Variants in CEP95 observed in about 807,000 individuals in gnomAD.
The protein encoded by CEP95 is centrosomal protein of 95 kDa.
A neutral mutation model predicts 111.2 loss-of-function variants in CEP95; 98 were observed. That is an observed-to-expected ratio of 0.88 (90% confidence interval 0.75 to 1.04). CEP95 has a LOEUF of 1.04. CEP95 is among the 50% of genes least tolerant of loss of function. The pLI, the probability that CEP95 is intolerant of heterozygous loss-of-function variation, is 0.00. For synonymous variants in CEP95, 323 were observed against 327.1 expected (o/e 0.99, Z 0.14); for missense variants, 1,027 against 977.2 (o/e 1.05, Z -0.68).
At position 64,533,129 on chromosome 17, in the gene CEP95, C is replaced by G; in HGVS notation, c.1855C>G (p.Leu619Val). Residue 619 changes from leucine (L) to valine (V), a missense_variant, in exon 16 of 20, where the codon CTA becomes GTA. By Grantham distance (32) the Leu-to-Val change is conservative (BLOSUM62 1). Transcript: ENST00000556440. The part of the protein sequence containing the change: ...KKLQDEIEEA[L>V]RRHDLLTTLV... The stretch of plus-strand genomic sequence containing the variant: ...GTCCCCCTTCAAGATAGAAGAAGCC[C>G]TAAGAAGGCATGACCTCCTTACTAC... The G allele has an allele frequency of 6.2e-7, 1 of 1,604,490 alleles. No homozygotes were observed. The highest frequency in any genetic ancestry group is 2.2e-5 in the East Asian group (1 of 44,846).
rs921100851 is a variant in CEP95 at position 64,516,950 on chromosome 17, T to A, written c.473+122T>A. 174 of 574,778 alleles carry A rather than the reference T, an allele frequency of 3.0e-4. 1 individual carries two copies. The highest frequency in any genetic ancestry group is 3.9e-5 in the Non-Finnish European group (13 of 329,834). 35.6% of individuals were successfully genotyped at this position (574,778 alleles called of 1,614,324 possible). A position where few individuals can be genotyped will look rare whatever the true frequency, so the allele number is the denominator to read the frequency against. On this transcript the variant is annotated intron_variant, in intron 5 of 19. Coordinates refer to ENST00000556440, the MANE Select transcript of CEP95 (RefSeq NM_138363.3). ...AGCTAATGTGAAACTTCTACTAACTTCTCATATTTTAAACTTTCCTGAGGG... is the reference window on the plus strand; with the variant it reads ...AGCTAATGTGAAACTTCTACTAACTACTCATATTTTAAACTTTCCTGAGGG...
Position 64,508,585 on chromosome 17 carries a change from C to T in CEP95, c.20-7C>T, listed in dbSNP as rs782673673. Reference sequence around the variant, plus strand: ...TAAGACTGATCTTTCCCCCTTTTTCCCAACAGAGTGGGTAACCATTGCCAA... The same window carrying T: ...TAAGACTGATCTTTCCCCCTTTTTCTCAACAGAGTGGGTAACCATTGCCAA... On this transcript the variant is annotated splice_polypyrimidine_tract_variant and splice_region_variant and intron_variant, in intron 1 of 19. Coordinates refer to ENST00000556440, the MANE Select transcript of CEP95 (RefSeq NM_138363.3). 2.2e-6 allele frequency: 3 copies of T among 1,374,798 alleles called. No individual in the cohort carries two copies. The highest frequency in any genetic ancestry group is 3.9e-5 in the South Asian group (2 of 50,856). 85.2% of individuals were successfully genotyped at this position (1,374,798 alleles called of 1,614,324 possible).
At chr17:64,523,030 C>A in intron 8 of CEP95, 135 bp downstream of exon 8, 1 of 701,284 alleles carries the variant, frequency 1.4e-6, no homozygotes, top group South Asian at 2.0e-5. Context: ...CAAGGAAGCC[C>A]CTATATTTAA....
At chr17:64,525,943 G>C in intron 9 of CEP95, 61 bp downstream of exon 9, 1 of 1,470,268 alleles carries the variant, frequency 6.8e-7, no homozygotes, top group Non-Finnish European at 9.2e-7. Context: ...GAAAATGCAG[G>C]GGCATGATCT....
rs1485776752 is a variant in CEP95 at position 64,507,064 on chromosome 17, G to T, written c.-34G>T. On this transcript the variant is annotated 5_prime_UTR_variant, in exon 1 of 20. Coordinates refer to ENST00000556440, the MANE Select transcript of CEP95 (RefSeq NM_138363.3). ...CCAGGACACCGTCGCCTTCCCGGCCGCGTCGGAGTCCGGCGGCGACCTGCC... is the reference window on the plus strand; with the variant it reads ...CCAGGACACCGTCGCCTTCCCGGCCTCGTCGGAGTCCGGCGGCGACCTGCC... 1 of 1,550,750 alleles carries T rather than the reference G, an allele frequency of 6.4e-7. No homozygotes were observed.
At chr17:64,529,015 A>G (rs1968070266) in intron 11 of CEP95, among the ~76,000 whole-genome samples, 1 of 152,224 alleles carries the variant, frequency 6.6e-6, no homozygotes, top group East Asian at 1.9e-4. Context: ...TATCACCAAG[A>G]GCACTCTCCA....
intron 5 of CEP95, among the ~76,000 whole-genome samples, chr17:64,518,341 C>T (rs747040095): frequency 7.2e-5 from 11 of 152,002 alleles, no homozygotes; most frequent in Admixed American, 3.3e-4. Flanking sequence ...TATCTTGAGG[C>T]TAGATTCAGA....
At chr17:64,536,980 A>T (rs1968698012) in intron 18 of CEP95, 61 bp from the exon 19 acceptor site, 4 of 1,471,390 alleles carry the variant, frequency 2.7e-6, no homozygotes, top group Non-Finnish European at 3.7e-6. Context: ...ACATTAAGAA[A>T]TGTTACATTT....
intron 8 of CEP95, among the ~76,000 whole-genome samples, chr17:64,525,321 C>T (rs1555678836): frequency 6.6e-6 from 1 of 150,650 alleles, no homozygotes; most frequent in East Asian, 1.9e-4. Context: ...GGAAAACTGT[C>T]TCAAAAAAAA....
At chr17:64,528,647 G>A (rs1968041258) in intron 11 of CEP95, among the ~76,000 whole-genome samples, 1 of 152,156 alleles carries the variant, frequency 6.6e-6, no homozygotes, top group Non-Finnish European at 1.5e-5. Context: ...TATTTATAAA[G>A]GTACCAAACT....
rs1183978837 is a variant in CEP95, at chr17:64,519,321, G to C, written c.474G>C (p.Arg158Ser). 1 of 1,612,468 alleles carries C rather than the reference G, an allele frequency of 6.2e-7. No individual in the cohort carries two copies. The highest frequency in any genetic ancestry group is 8.5e-7 in the Non-Finnish European group (1 of 1,178,680). ...KSSWKRVSFG[R>S]CSLSSEMLGP... ...TGAGTGAAGGAGGGAACTTTTCCAG[G>C]TGCTCCTTGTCTTCTGAGATGTTGG... is the stretch of plus-strand genomic sequence containing the variant. The change falls in exon 6 of 20, where the codon AGG becomes AGC. Residue 158 changes from arginine to serine, a missense_variant and splice_region_variant. Transcript: ENST00000556440.
At chr17:64,532,413 G>C (rs1450960107) in intron 14 of CEP95, 1 of 985,376 alleles carries the variant, frequency 1.0e-6, no homozygotes, top group Non-Finnish European at 1.2e-6. Context: ...GTAGAGTCTT[G>C]TTACAAGAAA....
chr17:64,516,292 G>C (rs2039140873), intron 4 of CEP95, among the ~76,000 whole-genome samples: 1 of 152,178 alleles, frequency 6.6e-6, no homozygotes, highest in South Asian at 2.1e-4. Context: ...GGTGGAAAAA[G>C]ACTGATGGTC....
chr17:64,508,770 G>T (rs1160061434), intron 2 of CEP95, 50 bp downstream of exon 2: 1 of 976,646 alleles, frequency 1.0e-6, no homozygotes, highest in Non-Finnish European at 1.4e-6. Flanking sequence ...TAGGCCAAAA[G>T]TTTTTAGTCC....
At chr17:64,527,869 TG>T (rs1555679456) in intron 11 of CEP95, among the ~76,000 whole-genome samples, 1 of 121,070 alleles carries the variant, frequency 8.3e-6, no homozygotes, top group Non-Finnish European at 1.7e-5. Flanking sequence ...TGTGTGTGTG[TG>T]TATATATATA....
intron 12 of CEP95, 33 bp downstream of exon 12, chr17:64,529,460 G>T: frequency 6.2e-7 from 1 of 1,608,340 alleles, no homozygotes; most frequent in Non-Finnish European, 8.5e-7. Flanking sequence ...CCATTAAGCA[G>T]CAGCCAGTAC....
intron 5 of CEP95, among the ~76,000 whole-genome samples, chr17:64,518,544 G>T (rs571091268): frequency 1.6e-4 from 24 of 152,308 alleles, no homozygotes; most frequent in African/African-American, 5.8e-4. Context: ...TGTCATGACA[G>T]GTTTGATTGC....
chr17:64,520,252 A>G (rs1367950069), intron 6 of CEP95, among the ~76,000 whole-genome samples: 1 of 148,502 alleles, frequency 6.7e-6, no homozygotes, highest in Admixed American at 6.6e-5. Flanking sequence ...TTTTAACATT[A>G]TAAGTAGAGA....
intron 3 of CEP95, among the ~76,000 whole-genome samples, chr17:64,510,940 AAG>A (rs756353437): frequency 1.3e-5 from 2 of 152,188 alleles, no homozygotes; most frequent in African/African-American, 4.8e-5. Flanking sequence ...CAGAGTACAA[AAG>A]AGAGAAATTT....
Sources: allele counts gnomAD v4.1 joint callset (sites outside exome capture counted in the v4.1 genomes callset), GRCh38; gene constraint gnomAD v4.1.1; transcripts MANE v1.5; gene names NCBI Gene and HGNC (gene_info 2026-07-23, HGNC 2026-07-21).